PPP2R2B: variants seen among roughly 807,000 people sequenced by gnomAD.
PPP2R2B encodes the protein protein phosphatase 2 regulatory subunit Bbeta.
PPP2R2B carries 5 observed loss-of-function variants against 46.0 expected under a neutral mutation model. The observed-to-expected ratio is 0.11, with a 90% CI of 0.06 to 0.23. The LOEUF (loss-of-function observed/expected upper bound fraction) is 0.23. Ranked by LOEUF, PPP2R2B falls within the 10% of genes least tolerant of loss-of-function variation. The probability of loss-of-function intolerance (pLI) is 1.00; values close to 1 mark genes in which losing one functional copy is unlikely to be tolerated. For missense variants in PPP2R2B, 367 were observed against 575.0 expected (o/e 0.64, Z 3.70); for synonymous variants, 215 against 206.7 (o/e 1.04, Z -0.34).
chr5:146,760,239 C>T (rs1168247090), intron 2 of PPP2R2B, among the ~76,000 whole-genome samples: 1 of 152,080 alleles, frequency 6.6e-6, no homozygotes, highest in Non-Finnish European at 1.5e-5. Context: ...CTTAATATTC[C>T]TGGCAACCCT....
rs73310578 is a variant in PPP2R2B, at chr5:146,646,180, A to G, written c.625+4367T>C. On this transcript the variant is annotated intron_variant, in intron 6 of 9. Transcript: ENST00000394411. ...GTTTTTTCCCATTTTCATGCCTGGC[A>G]CAAACTAGGTGCTCAATTTATCATC... 7.7e-3 allele frequency among the ~76,000 whole-genome samples: 1,166 copies of G among 152,276 alleles called. 19 individuals are homozygous for G. The highest frequency in any genetic ancestry group is 0.027 in the African/African-American group (1,108 of 41,546).
Position 146,722,699 on chromosome 5 carries a change from G to T in PPP2R2B, c.71-21557C>A, listed in dbSNP as rs370939071. 3.3e-5 allele frequency among the ~76,000 whole-genome samples: 5 copies of T among 152,166 alleles called. No homozygotes were observed. The East Asian group carries it at 5.8e-4, about 18-fold the overall frequency. On this transcript the variant is annotated intron_variant, in intron 2 of 9. Transcript: ENST00000394411. ...CCACAGTATAAACAATAATGAAAAA[G>T]CCTGCAATGCTGAACATCTGAAATT...
intron 6 of PPP2R2B, among the ~76,000 whole-genome samples, chr5:146,639,325 T>TG (rs1454122258): frequency 6.6e-6 from 1 of 152,280 alleles, no homozygotes; most frequent in Non-Finnish European, 1.5e-5. Context: ...TTTTATCATC[T>TG]GGGTTTTTTT....
rs534864393 is a variant in PPP2R2B, at chr5:146,835,916, C to T, written c.70+42086G>A. Among the ~76,000 whole-genome samples, 3 of 152,260 alleles carry T rather than the reference C, an allele frequency of 2.0e-5. No individual in the cohort carries two copies. In the South Asian group the frequency reaches 6.2e-4, roughly 32 times the overall value. On this transcript the variant is annotated intron_variant, in intron 2 of 9. Transcript: ENST00000394411. The stretch of plus-strand genomic sequence containing the variant: ...ATTAGAGCCTAATGAAGTGGGTTGG[C>T]ATCCCAGTTCCACCGATTTAAGCTA...
At chr5:146,994,482 C>A (rs962841739) in intron 1 of PPP2R2B, among the ~76,000 whole-genome samples, 1 of 152,036 alleles carries the variant, frequency 6.6e-6, no homozygotes, top group Non-Finnish European at 1.5e-5. Context: ...AACAGAAGGC[C>A]CCCAGTGAAT....
intron 2 of PPP2R2B, among the ~76,000 whole-genome samples, chr5:146,797,303 A>C (rs917434066): frequency 6.6e-6 from 1 of 152,142 alleles, no homozygotes; most frequent in Non-Finnish European, 1.5e-5. Flanking sequence ...ACTATTGCTA[A>C]TTTTTTCATT....
chr5:146,941,611 C>A (rs2151829515), intron 1 of PPP2R2B, among the ~76,000 whole-genome samples: 1 of 152,236 alleles, frequency 6.6e-6, no homozygotes, highest in South Asian at 2.1e-4. Context: ...CTGATAGAAC[C>A]TTTCCACTTC....
intron 2 of PPP2R2B, among the ~76,000 whole-genome samples, chr5:146,787,208 G>A (rs1279146311): frequency 6.6e-6 from 1 of 152,090 alleles, no homozygotes; most frequent in Admixed American, 6.6e-5. Context: ...TCTCCATGAG[G>A]GGAGCAGGCT....
chr5:146,952,256 A>G (rs1209137334), intron 1 of PPP2R2B, among the ~76,000 whole-genome samples: 1 of 152,048 alleles, frequency 6.6e-6, no homozygotes, highest in Non-Finnish European at 1.5e-5. Context: ...ACTTATTATT[A>G]CAAACCAAGA....
At chr5:146,757,591 T>C (rs1433098828) in intron 2 of PPP2R2B, among the ~76,000 whole-genome samples, 1 of 152,164 alleles carries the variant, frequency 6.6e-6, no homozygotes, top group East Asian at 1.9e-4. Context: ...ATGGCCTCAC[T>C]AGTTGCTATG....
chr5:147,037,638 C>T (rs1305329898), intron 1 of PPP2R2B, among the ~76,000 whole-genome samples: 1 of 152,024 alleles, frequency 6.6e-6, no homozygotes, highest in Non-Finnish European at 1.5e-5. Context: ...TGTATCTACG[C>T]CATCTGTAGA....
At chr5:146,861,449 C>G (rs1426553110) in intron 2 of PPP2R2B, among the ~76,000 whole-genome samples, 2 of 152,094 alleles carry the variant, frequency 1.3e-5, no homozygotes, top group African/African-American at 4.8e-5. Context: ...GCTCAGCCTC[C>G]CAAAGTTCTG....
At chr5:146,705,949 G>A (rs1189554440) in intron 2 of PPP2R2B, among the ~76,000 whole-genome samples, 6 of 145,466 alleles carry the variant, frequency 4.1e-5, no homozygotes, top group African/African-American at 1.5e-4. Flanking sequence ...TTTTTTTTTG[G>A]CAGAGCTAGC....
At chr5:147,015,768 A>T (rs534893530) in intron 1 of PPP2R2B, among the ~76,000 whole-genome samples, 2 of 149,810 alleles carry the variant, frequency 1.3e-5, no homozygotes, top group African/African-American at 4.9e-5. Context: ...TATAATATAA[A>T]ATAATGTAAT....
chr5:146,602,681 G>A lies in PPP2R2B; in HGVS notation c.791-2221C>T, dbSNP rs77062700. 1.5e-3 allele frequency among the ~76,000 whole-genome samples: 228 copies of A among 152,202 alleles called. 1 individual carries two copies. In the South Asian group the frequency reaches 0.03, roughly 20 times the overall value. ...ATTAAACCGTGAACTAAGCCAAAACGTTAATTTTCACAGAACCATTGAAGA... is the reference window on the plus strand; with the variant it reads ...ATTAAACCGTGAACTAAGCCAAAACATTAATTTTCACAGAACCATTGAAGA... On this transcript the variant is annotated intron_variant, in intron 7 of 9. Transcript: ENST00000394411.
chr5:146,807,607 A>T (rs1757252535), intron 2 of PPP2R2B, among the ~76,000 whole-genome samples: 1 of 152,044 alleles, frequency 6.6e-6, no homozygotes, highest in Non-Finnish European at 1.5e-5. Flanking sequence ...TGTTATGTTC[A>T]TTTCACAGAT....
intron 1 of PPP2R2B, among the ~76,000 whole-genome samples, chr5:146,917,037 T>C (rs1763413402): frequency 6.6e-6 from 1 of 152,186 alleles, no homozygotes; most frequent in Admixed American, 6.5e-5. Context: ...AATCAGGCCT[T>C]AAGTGAAGGT....
At chr5:146,776,648 T>G (rs1187366236) in intron 2 of PPP2R2B, among the ~76,000 whole-genome samples, 1 of 152,018 alleles carries the variant, frequency 6.6e-6, no homozygotes, top group East Asian at 1.9e-4. Context: ...TATATAAAAT[T>G]GGACTTCACC....
At chr5:146,834,960 CT>C (rs546121311) in intron 2 of PPP2R2B, among the ~76,000 whole-genome samples, 10 of 152,078 alleles carry the variant, frequency 6.6e-5, no homozygotes, top group South Asian at 4.2e-4. Context: ...TGATTTCATT[CT>C]TTTTTTATGG....
Sources: gnomAD v4.1 joint callset for allele counts (sites outside exome capture counted in the v4.1 genomes callset) on GRCh38, gnomAD v4.1.1 for gene constraint, MANE v1.5 for transcripts, NCBI Gene and HGNC (gene_info 2026-07-23, HGNC 2026-07-21) for gene names.